The following PLEKHH2 variants were observed in gnomAD, a reference collection of about 807,000 sequenced individuals.
PLEKHH2 encodes the protein pleckstrin homology domain-containing family H member 2.
PLEKHH2 carries 129 observed loss-of-function variants against 187.9 expected under a neutral mutation model. That is an observed-to-expected ratio of 0.69 (90% CI 0.59 to 0.79). PLEKHH2 has a LOEUF of 0.79. Among genes scored for constraint, PLEKHH2 ranks in the 30% least tolerant of loss-of-function variants. The pLI is 0.00. For missense variants in PLEKHH2, 2,076 were observed against 1,751.2 expected, an observed-to-expected ratio of 1.19 and a Z score of -3.31; for synonymous variants, 686 against 605.6, an observed-to-expected ratio of 1.13 and a Z score of -1.95.
intron 27 of PLEKHH2, among the ~76,000 whole-genome samples, chr2:43,760,401 C>CT: frequency 7.9e-6 from 1 of 126,952 alleles, no homozygotes; most frequent in African/African-American, 3.1e-5. Flanking sequence ...CTCACTCTGT[C>CT]ACCCAGACTG....
intron 15 of PLEKHH2, among the ~76,000 whole-genome samples, chr2:43,713,037 A>T (rs1670042789): frequency 6.6e-6 from 1 of 152,128 alleles, no homozygotes; most frequent in South Asian, 2.1e-4. Flanking sequence ...GCAGTTTGGC[A>T]ATATCTTGGC....
intron 2 of PLEKHH2, chr2:43,675,309 A>C (rs186987668): frequency 3.2e-5 from 34 of 1,070,046 alleles, no homozygotes; most frequent in Non-Finnish European, 4.5e-5. Context: ...CTTACACTGT[A>C]TCAGAATTTG....
At chr2:43,650,326 T>C (rs1666406925) in intron 2 of PLEKHH2, among the ~76,000 whole-genome samples, 1 of 151,836 alleles carries the variant, frequency 6.6e-6, no homozygotes, top group Non-Finnish European at 1.5e-5. Context: ...AGAGATGGGG[T>C]TTCACCATGT....
At chr2:43,692,396 A>G in intron 3 of PLEKHH2, 118 bp from the exon 4 acceptor site, 2 of 771,766 alleles carry the variant, frequency 2.6e-6, no homozygotes, top group East Asian at 2.7e-5. Flanking sequence ...TTGCTGTTTA[A>G]TATTTTCCTT....
chr2:43,732,116 C>A (rs1289144960), intron 19 of PLEKHH2, among the ~76,000 whole-genome samples: 4 of 152,164 alleles, frequency 2.6e-5, no homozygotes, highest in Non-Finnish European at 5.9e-5. Context: ...GTAATCCCAG[C>A]ACTTTGGGAG....
chr2:43,647,842 A>G (rs1270080196), intron 2 of PLEKHH2, among the ~76,000 whole-genome samples: 2 of 152,124 alleles, frequency 1.3e-5, no homozygotes, highest in East Asian at 1.9e-4. Flanking sequence ...ATTGTGGCCA[A>G]CTTCTCTTTC....
intron 22 of PLEKHH2, 76 bp from the exon 23 acceptor site, chr2:43,743,758 T>C (rs1671665853): frequency 7.5e-7 from 1 of 1,341,524 alleles, no homozygotes; most frequent in African/African-American, 1.5e-5. Flanking sequence ...TCAAGTATGC[T>C]CTGTTTCATC....
At chr2:43,742,279 G>A (rs987800685) in intron 21 of PLEKHH2, among the ~76,000 whole-genome samples, 13 of 151,996 alleles carry the variant, frequency 8.6e-5, no homozygotes, top group Non-Finnish European at 2.9e-5. Context: ...TGGGATTACA[G>A]GCATGAGCCA....
At chr2:43,710,982 A>G in intron 14 of PLEKHH2, 5 of 1,001,234 alleles carry the variant, frequency 5.0e-6, no homozygotes, top group South Asian at 4.5e-5. Context: ...GACAGTTCTT[A>G]TATGAACTTC....
At chr2:43,650,710 A>G (rs1222184368) in intron 2 of PLEKHH2, among the ~76,000 whole-genome samples, 2 of 149,592 alleles carry the variant, frequency 1.3e-5, no homozygotes, top group Non-Finnish European at 3.0e-5. Flanking sequence ...CAGTGGTACG[A>G]TCTCTACTCA....
In PLEKHH2 at chr2:43,749,496, T is replaced by C. The variant is rs563186159; in HGVS notation, c.3653+3533T>C. On this transcript the variant is annotated intron_variant, in intron 24 of 29. Transcript: ENST00000282406. ...GTGTCACAGGCCATGGTCACACATA[T>C]TTGGCTCAGAATAAATCTCTTCAAA... Among the ~76,000 whole-genome samples, 315 of 152,322 alleles carry C rather than the reference T, an allele frequency of 2.1e-3. 3 individuals are homozygous for C. Among genetic ancestry groups the C allele is most frequent in the African/African-American group, 7.2e-3 (298 of 41,580 alleles).
intron 8 of PLEKHH2, among the ~76,000 whole-genome samples, chr2:43,701,070 T>C (rs1205754690): frequency 6.6e-6 from 1 of 152,212 alleles, no homozygotes; most frequent in Non-Finnish European, 1.5e-5. Flanking sequence ...ACAAGACAGA[T>C]GGGAGATCAA....
intron 1 of PLEKHH2, among the ~76,000 whole-genome samples, chr2:43,642,756 T>C (rs1267924364): frequency 6.6e-6 from 1 of 152,206 alleles, no homozygotes; most frequent in African/African-American, 2.4e-5. Flanking sequence ...CATGGTGCAT[T>C]ACATTGATTG....
intron 1 of PLEKHH2, among the ~76,000 whole-genome samples, chr2:43,643,782 A>T (rs1218050334): frequency 6.6e-6 from 1 of 152,104 alleles, no homozygotes; most frequent in Non-Finnish European, 1.5e-5. Context: ...AGCCTGATAA[A>T]ATATTACCAA....
At chr2:43,641,581 G>A (rs1665932676) in intron 1 of PLEKHH2, among the ~76,000 whole-genome samples, 1 of 152,030 alleles carries the variant, frequency 6.6e-6, no homozygotes. Flanking sequence ...TTCTAACGTG[G>A]CCCAAGGAAG....
chr2:43,764,662 T>C (rs569845558), intron 29 of PLEKHH2, among the ~76,000 whole-genome samples: 1 of 152,226 alleles, frequency 6.6e-6, no homozygotes, highest in Non-Finnish European at 1.5e-5. Context: ...GCCAGGTATA[T>C]AGAAGATTCA....
At chr2:43,644,536 G>T (rs954941363) in intron 1 of PLEKHH2, 135 bp from the exon 2 acceptor site, 6 of 612,720 alleles carry the variant, frequency 9.8e-6, no homozygotes, top group Admixed American at 4.1e-5. Context: ...TTTAAAATTT[G>T]TACATGGATC....
rs1434756935 is a variant in PLEKHH2, at chr2:43,762,300, A to T, written c.4072-4A>T. ...TAATATAGTGTATTTTCACCTCTTC[A>T]TAGCCCATAACTCCATCATCACTTG... is the stretch of plus-strand genomic sequence containing the variant. On this transcript the variant is annotated splice_region_variant and splice_polypyrimidine_tract_variant and intron_variant, in intron 27 of 29. Coordinates refer to ENST00000282406, the MANE Select transcript of PLEKHH2 (RefSeq NM_172069.4). 8.1e-6 allele frequency: 13 copies of T among 1,604,496 alleles called. No homozygotes were observed. The highest frequency in any genetic ancestry group is 1.7e-4 in the Middle Eastern group (1 of 6,052).
At chr2:43,719,563 C>T (rs1670379706) in intron 15 of PLEKHH2, among the ~76,000 whole-genome samples, 3 of 152,214 alleles carry the variant, frequency 2.0e-5, no homozygotes, top group African/African-American at 4.8e-5. Context: ...TCTCAGCCTC[C>T]TGAGTAGCTG....
Sources: allele counts gnomAD v4.1 joint callset (sites outside exome capture counted in the v4.1 genomes callset), GRCh38; gene constraint gnomAD v4.1.1; transcripts MANE v1.5; gene names NCBI Gene and HGNC (gene_info 2026-07-23, HGNC 2026-07-21).